DLG1: variants seen among roughly 807,000 people sequenced by gnomAD.
DLG1 encodes the protein disks large homolog 1.
Under a neutral mutation model 123.4 loss-of-function variants are expected in DLG1, and 42 were observed. The observed-to-expected ratio is 0.34, with a 90% CI of 0.27 to 0.44. DLG1 has a LOEUF of 0.44. DLG1 is among the 20% of genes least tolerant of loss of function. The pLI, the probability that DLG1 is intolerant of heterozygous loss-of-function variation, is 1.00. For missense variants in DLG1, 942 were observed against 1,082.6 expected (o/e 0.87, Z 1.82); for synonymous variants, 317 against 356.2 (o/e 0.89, Z 1.24).
At chr3:197,180,067 TGGG>T (rs60631930) in intron 5 of DLG1, among the ~76,000 whole-genome samples, 24,113 of 87,952 alleles carry the variant, frequency 0.27, 3,759 homozygotes, top group African/African-American at 0.46. Context: ...GTTTTTTTTT[TGGG>T]GGGGGGGGGG....
At chr3:197,254,421 T>C (rs1755887072) in intron 4 of DLG1, among the ~76,000 whole-genome samples, 1 of 152,208 alleles carries the variant, frequency 6.6e-6, no homozygotes, top group African/African-American at 2.4e-5. Flanking sequence ...CAACTCCTAT[T>C]TTATCAGCCT....
intron 7 of DLG1, among the ~76,000 whole-genome samples, 188 bp from the exon 8 acceptor site, chr3:197,140,452 T>C (rs1290485112): frequency 6.6e-6 from 1 of 152,226 alleles, no homozygotes; most frequent in East Asian, 1.9e-4. Context: ...GAGGCATTAC[T>C]GCTGAACAGG....
At chr3:197,286,360 C>T (rs894535218) in intron 3 of DLG1, among the ~76,000 whole-genome samples, 1 of 152,164 alleles carries the variant, frequency 6.6e-6, no homozygotes, top group Non-Finnish European at 1.5e-5. Flanking sequence ...GGTGGGGGAG[C>T]TTCTGCAGTG....
At position 197,096,822 on chromosome 3, in the gene DLG1, T is replaced by C. The variant is rs372628495; in HGVS notation, c.1547-5796A>G. ...AAACTATATGTCTTTCTGGTACAGC[T>C]TGACTGTGGAGACATTACGCTAATC... is the stretch of plus-strand genomic sequence containing the variant. On this transcript the variant is annotated intron_variant, in intron 14 of 24. Coordinates refer to ENST00000667157, the MANE Select transcript of DLG1 (RefSeq NM_001366207.1). Among the ~76,000 whole-genome samples, 40 of 152,368 alleles carry C rather than the reference T, an allele frequency of 2.6e-4. 1 individual carries two copies. In the East Asian group the frequency reaches 3.7e-3, roughly 14 times the overall value.
intron 5 of DLG1, 48 bp from the exon 6 acceptor site, chr3:197,149,844 A>G (rs377547683): frequency 9.1e-7 from 1 of 1,095,306 alleles, no homozygotes; most frequent in Admixed American, 1.8e-5. Flanking sequence ...AAAACATTAC[A>G]TGTTCATGTT....
chr3:197,090,615 G>A (rs1757231476), intron 15 of DLG1, among the ~76,000 whole-genome samples: 1 of 152,002 alleles, frequency 6.6e-6, no homozygotes, highest in Admixed American at 6.6e-5. Flanking sequence ...ATATCATCAA[G>A]CTTGTAGTCA....
At chr3:197,078,145 CAAAA>C (rs34391299) in intron 17 of DLG1, among the ~76,000 whole-genome samples, 5 of 119,650 alleles carry the variant, frequency 4.2e-5, no homozygotes, top group Non-Finnish European at 3.5e-5. Context: ...AACCCCATCT[CAAAA>C]AAAAAAAAAA....
chr3:197,222,707 C>CA (rs576853568), intron 4 of DLG1, among the ~76,000 whole-genome samples: 183 of 152,306 alleles, frequency 1.2e-3, no homozygotes, highest in African/African-American at 4.2e-3. Context: ...AAGGCTTTAA[C>CA]ACCTTACACT....
At chr3:197,209,959 A>T (rs1730466202) in intron 4 of DLG1, among the ~76,000 whole-genome samples, 1 of 146,438 alleles carries the variant, frequency 6.8e-6, no homozygotes, top group African/African-American at 2.4e-5. Context: ...AACATCATCC[A>T]TGACTCCAGA....
At chr3:197,066,633 G>C in intron 20 of DLG1, 71 bp downstream of exon 20, 2 of 1,231,622 alleles carry the variant, frequency 1.6e-6, no homozygotes, top group Non-Finnish European at 2.3e-6. Flanking sequence ...TGGGGTATGA[G>C]AATTTTTTTC....
At chr3:197,213,012 C>T (rs7616531) in intron 4 of DLG1, among the ~76,000 whole-genome samples, 31,767 of 152,022 alleles carry the variant, frequency 0.21, 4,390 homozygotes, top group East Asian at 0.6. Flanking sequence ...ATCAACTGCC[C>T]AAATGTGAAA....
chr3:197,219,137 AAAG>A (rs1214064461), intron 4 of DLG1, among the ~76,000 whole-genome samples: 1 of 152,142 alleles, frequency 6.6e-6, no homozygotes, highest in African/African-American at 2.4e-5. Context: ...ACTCAAAAAA[AAAG>A]AAGAAAAAAA....
intron 1 of DLG1, 129 bp from the exon 2 acceptor site, chr3:197,297,364 A>C: frequency 2.0e-6 from 3 of 1,467,380 alleles, no homozygotes; most frequent in South Asian, 1.4e-5. Flanking sequence ...AAGTCAAAGA[A>C]AGAGTCTCAA....
At chr3:197,058,085 C>A (rs1297044664) in intron 23 of DLG1, among the ~76,000 whole-genome samples, 1 of 150,410 alleles carries the variant, frequency 6.6e-6, no homozygotes, top group Admixed American at 6.6e-5. Context: ...CTCAAGCAAT[C>A]CCCCCATCTC....
At position 197,066,037 on chromosome 3, in the gene DLG1, C is replaced by T. The variant is rs372465373; in HGVS notation, c.2099-228G>A. Reference sequence around the variant, plus strand: ...CTAGAAGTCATATTGATAATTCAATCAAGTTAAATTTGGTGTTTTCGCAGA... The same window carrying T: ...CTAGAAGTCATATTGATAATTCAATTAAGTTAAATTTGGTGTTTTCGCAGA... On this transcript the variant is annotated intron_variant, in intron 20 of 24. Transcript: ENST00000667157. Among the ~76,000 whole-genome samples the T allele has an allele frequency of 2.6e-5, 4 of 152,122 alleles. No individual in the cohort carries two copies. In the South Asian group the frequency reaches 6.2e-4, roughly 24 times the overall value.
intron 8 of DLG1, 56 bp downstream of exon 8, chr3:197,140,084 T>C: frequency 1.3e-6 from 2 of 1,584,272 alleles, no homozygotes; most frequent in Non-Finnish European, 1.7e-6. Context: ...TCCAGTCTGC[T>C]TCAAGAAAAA....
At chr3:197,287,464 A>C (rs1772435246) in intron 3 of DLG1, among the ~76,000 whole-genome samples, 2 of 152,060 alleles carry the variant, frequency 1.3e-5, no homozygotes, top group African/African-American at 4.8e-5. Flanking sequence ...TATTAAGGGC[A>C]GAAAGCAGTA....
At chr3:197,293,503 T>C (rs1341258177) in intron 3 of DLG1, among the ~76,000 whole-genome samples, 1 of 152,172 alleles carries the variant, frequency 6.6e-6, no homozygotes, top group African/African-American at 2.4e-5. Context: ...TATTGAAATA[T>C]TTAACAGTTG....
At chr3:197,064,252 G>A (rs577065155) in intron 22 of DLG1, among the ~76,000 whole-genome samples, 197 of 149,606 alleles carry the variant, frequency 1.3e-3, no homozygotes, top group African/African-American at 4.6e-3. Flanking sequence ...GGAGTGCAAC[G>A]GCACGACCTC....
Sources: gnomAD v4.1 joint callset for allele counts (sites outside exome capture counted in the v4.1 genomes callset) on GRCh38, gnomAD v4.1.1 for gene constraint, MANE v1.5 for transcripts, NCBI Gene and HGNC (gene_info 2026-07-23, HGNC 2026-07-21) for gene names.